Variants in RAB3IL1 observed in about 807,000 individuals in gnomAD.
RAB3IL1 encodes RAB3A interacting protein like 1.
In RAB3IL1, 37 loss-of-function variants were observed where a neutral mutation model predicts 49.2. The observed-to-expected ratio is 0.75, with a 90% CI of 0.58 to 0.99. The LOEUF is 0.99. Among genes scored for constraint, RAB3IL1 ranks in the 50% least tolerant of loss-of-function variants. The pLI, the probability that RAB3IL1 is intolerant of heterozygous loss-of-function variation, is 0.00. For missense variants in RAB3IL1, 484 were observed against 513.0 expected, an observed-to-expected ratio of 0.94 and a Z score of 0.55; for synonymous variants, 193 against 213.9, an observed-to-expected ratio of 0.90 and a Z score of 0.85.
At chr11:61,900,105 C>T (rs1430879770) in intron 8 of RAB3IL1, among the ~76,000 whole-genome samples, 1 of 152,228 alleles carries the variant, frequency 6.6e-6, no homozygotes, top group Non-Finnish European at 1.5e-5. Flanking sequence ...AGACCTCAGC[C>T]GATGACTGAC....
chr11:61,910,285 T>C (rs762267556), intron 1 of RAB3IL1, among the ~76,000 whole-genome samples: 1 of 152,176 alleles, frequency 6.6e-6, no homozygotes, highest in Admixed American at 6.5e-5. Context: ...CCAGGGAGAC[T>C]CGGAGGCTCC....
chr11:61,921,173 A>T (rs571353657), upstream of RAB3IL1, among the ~76,000 whole-genome samples: 23 of 151,794 alleles, frequency 1.5e-4, no homozygotes, highest in Non-Finnish European at 2.2e-4. Flanking sequence ...TAATTTTTAA[A>T]TTTTTTTTAT....
In RAB3IL1 at chr11:61,917,404, C is replaced by T; in HGVS notation, c.-37G>A. The T allele has an allele frequency of 8.2e-7, 1 of 1,222,868 alleles. No homozygotes were observed. The highest frequency in any genetic ancestry group is 1.0e-6 in the Non-Finnish European group (1 of 984,090). The allele number at this position is 1,222,868 out of a possible 1,614,324, so 75.8% of individuals were successfully genotyped here. A position where few individuals can be genotyped will look rare whatever the true frequency, so the allele number is the denominator to read the frequency against. On this transcript the variant is annotated 5_prime_UTR_variant, in exon 1 of 10. Transcript: ENST00000394836. Reference sequence around the variant, plus strand: ...GGGGCGCCCAGGCGTCCGTTCCCAGCGCCGCCGCGTCCTCCCAGCGCCGCG... The same window carrying T: ...GGGGCGCCCAGGCGTCCGTTCCCAGTGCCGCCGCGTCCTCCCAGCGCCGCG...
At chr11:61,934,041 G>T in the RAB3IL1 span, among the ~76,000 whole-genome samples, 1 of 152,080 alleles carries the variant, frequency 6.6e-6, no homozygotes, top group Non-Finnish European at 1.5e-5. Context: ...AACTGAAGGA[G>T]ACGAGGTCCC....
upstream of RAB3IL1, among the ~76,000 whole-genome samples, chr11:61,918,039 C>T (rs1939786041): frequency 6.6e-6 from 1 of 152,112 alleles, no homozygotes; most frequent in South Asian, 2.1e-4. Flanking sequence ...AAGGAGTTTC[C>T]ACTTCTGGTC....
chr11:61,916,180 T>C (rs1312240682), intron 1 of RAB3IL1, among the ~76,000 whole-genome samples: 3 of 152,084 alleles, frequency 2.0e-5, no homozygotes, highest in Non-Finnish European at 4.4e-5. Context: ...ACCCCGTCTC[T>C]ACTAAAAATA....
the RAB3IL1 span, among the ~76,000 whole-genome samples, chr11:61,932,701 T>C: frequency 6.6e-6 from 1 of 151,988 alleles, no homozygotes; most frequent in East Asian, 1.9e-4. Context: ...AGTGATAAAG[T>C]CTTCTAGAAC....
At chr11:61,925,874 C>A in the RAB3IL1 span, among the ~76,000 whole-genome samples, 3 of 152,066 alleles carry the variant, frequency 2.0e-5, no homozygotes, top group East Asian at 5.8e-4. Flanking sequence ...TCTAAAGGCT[C>A]CAAGGAGATG....
chr11:61,907,580 C>G lies in RAB3IL1; in HGVS notation c.345G>C (p.Thr115=). The change falls in exon 3 of 10, where the codon ACG becomes ACC. Residue 115 remains threonine, a synonymous_variant. Coordinates refer to ENST00000394836, the MANE Select transcript of RAB3IL1 (RefSeq NM_013401.4). ...GCCGGTGTACCTCAAACAGGCTGGCCGTCAGCTCTTCCAGCTCCTGTTCTA... is the reference window on the plus strand; with the variant it reads ...GCCGGTGTACCTCAAACAGGCTGGCGGTCAGCTCTTCCAGCTCCTGTTCTA... ...EQLEQELEEL[T]ASLFEEAHKM... is the part of the protein sequence containing the mutation. 6.2e-7 allele frequency: 1 copy of G among 1,614,086 alleles called. No homozygotes were observed.
chr11:61,907,433 T>G lies in RAB3IL1; in HGVS notation c.398A>C (p.Gln133Pro). Residue 133 changes from glutamine to proline, a missense_variant, in exon 4 of 10, where the codon CAG becomes CCG. Gln to Pro is a moderately conservative substitution (Grantham distance 76). Transcript: ENST00000394836. ...CTTCAGCTGCTTTTCTGATGCCGCC[T>G]GCTTCATGTTGGCTTCTCGAACCAT... ...HKMVREANMK[Q>P]AASEKQLKEA... 1.2e-6 allele frequency: 2 copies of G among 1,614,184 alleles called. No homozygotes were observed. The highest frequency in any genetic ancestry group is 1.7e-6 in the Non-Finnish European group (2 of 1,180,020).
At chr11:61,930,755 C>A in the RAB3IL1 span, among the ~76,000 whole-genome samples, 4 of 152,072 alleles carry the variant, frequency 2.6e-5, no homozygotes, top group Non-Finnish European at 5.9e-5. Context: ...TCAGTCTGGG[C>A]AACACAGCAA....
upstream of RAB3IL1, among the ~76,000 whole-genome samples, chr11:61,921,604 AC>A (rs1939908581): frequency 1.3e-5 from 2 of 151,740 alleles, no homozygotes; most frequent in Non-Finnish European, 2.9e-5. Context: ...CATGACAAAC[AC>A]CCCCTGGAAC....
At chr11:61,907,348 G>C (rs1202197425) in intron 4 of RAB3IL1, 45 bp downstream of exon 4, 2 of 1,583,074 alleles carry the variant, frequency 1.3e-6, no homozygotes, top group African/African-American at 1.3e-5. Flanking sequence ...CCGGGAGGCA[G>C]GGGGGGTGCC....
chr11:61,929,884 CTTTTTTTTTTT>C, the RAB3IL1 span, among the ~76,000 whole-genome samples: 1 of 66,380 alleles, frequency 1.5e-5, no homozygotes, highest in Admixed American at 2.7e-4. Context: ...CCGCGCCCGG[CTTTTTTTTTTT>C]TTTTTTTTTT....
At chr11:61,931,807 G>GATGGTAGAA in the RAB3IL1 span, among the ~76,000 whole-genome samples, 1 of 152,182 alleles carries the variant, frequency 6.6e-6, no homozygotes, top group Non-Finnish European at 1.5e-5. Flanking sequence ...TTAAAAGCAT[G>GATGGTAGAA]ATGGTAGAAA....
At chr11:61,931,161 T>C in the RAB3IL1 span, among the ~76,000 whole-genome samples, 1 of 152,202 alleles carries the variant, frequency 6.6e-6, no homozygotes, top group Admixed American at 6.5e-5. Flanking sequence ...CTCTACTCCA[T>C]GCCACTGGCC....
chr11:61,911,375 C>T (rs1939446968), intron 1 of RAB3IL1, among the ~76,000 whole-genome samples: 1 of 152,164 alleles, frequency 6.6e-6, no homozygotes, highest in African/African-American at 2.4e-5. Flanking sequence ...GACCCTCTTC[C>T]TCCTCATTTC....
At position 61,914,054 on chromosome 11, in the gene RAB3IL1, T is replaced by A. The variant is rs371193732; in HGVS notation, c.11+3303A>T. ...TGAGGGTTATACAACCCCTTCCCAA[T>A]GAAGAGGCCTGTGTGCCTGACCTGG... is the stretch of plus-strand genomic sequence containing the variant. On this transcript the variant is annotated intron_variant, in intron 1 of 9. Transcript: ENST00000394836. Among the ~76,000 whole-genome samples, 105 of 152,248 alleles carry A rather than the reference T, an allele frequency of 6.9e-4. 2 individuals carry two copies. The South Asian group carries it at 0.022, about 31-fold the overall frequency.
chr11:61,915,324 C>T (rs1939631559), intron 1 of RAB3IL1, among the ~76,000 whole-genome samples: 1 of 152,076 alleles, frequency 6.6e-6, no homozygotes. Context: ...GGAGGGGTCC[C>T]TGCCCAGGAT....
Sources: gnomAD v4.1 joint callset for allele counts (sites outside exome capture counted in the v4.1 genomes callset) on GRCh38, gnomAD v4.1.1 for gene constraint, MANE v1.5 for transcripts, NCBI Gene and HGNC (gene_info 2026-07-23, HGNC 2026-07-21) for gene names.